SUGP2: variants seen among roughly 807,000 people sequenced by gnomAD.
SUGP2 encodes SURP and G-patch domain-containing protein 2.
SUGP2 carries 24 observed loss-of-function variants against 90.5 expected under a neutral mutation model. That is an observed-to-expected ratio of 0.27 (90% CI 0.19 to 0.37). The LOEUF (loss-of-function observed/expected upper bound fraction) is 0.37, where lower values mean the gene tolerates loss of function less well. Ranked by LOEUF, SUGP2 falls within the 10% of genes least tolerant of loss-of-function variation. The pLI is 1.00. For missense variants in SUGP2, 1,233 were observed against 1,363.3 expected (o/e 0.90, Z 1.51); for synonymous variants, 473 against 513.4 (o/e 0.92, Z 1.06).
intron 9 of SUGP2, chr19:18,994,773 C>T (rs956220945): frequency 1.9e-5 from 10 of 530,164 alleles, no homozygotes; most frequent in Admixed American, 1.4e-4. Flanking sequence ...AGGTTATGAT[C>T]GGGGTTTAAT....
Position 19,008,345 on chromosome 19 carries a change from C to G in SUGP2, c.2422G>C (p.Glu808Gln), listed in dbSNP as rs372226423. 58 of 1,614,050 alleles carry G rather than the reference C, an allele frequency of 3.6e-5. No homozygotes were observed. The highest frequency in any genetic ancestry group is 4.7e-5 in the Non-Finnish European group (56 of 1,180,032). ...VGPEIEQFSI[E>Q]NSTDNPDLWF... The stretch of plus-strand genomic sequence containing the variant: ...AGGTCAGGGTTATCGGTGCTGTTTT[C>G]TATGCTGAATTGTTCGATCTCTGGT... The change falls in exon 6 of 11, where the codon GAA becomes CAA. Residue 808 changes from glutamate (E) to glutamine (Q), a missense_variant. Coordinates refer to ENST00000452918, the MANE Select transcript of SUGP2 (RefSeq NM_001017392.5).
intron 4 of SUGP2, 118 bp from the exon 5 acceptor site, chr19:19,010,460 A>C: frequency 1.4e-6 from 2 of 1,393,472 alleles, no homozygotes; most frequent in Non-Finnish European, 2.0e-6. Context: ...CTCCTGTCTC[A>C]GAGGCTCTGC....
chr19:19,027,283 C>T (rs190047178), intron 2 of SUGP2, among the ~76,000 whole-genome samples: 2 of 151,934 alleles, frequency 1.3e-5, no homozygotes, highest in African/African-American at 2.4e-5. Context: ...CAATCAGAAT[C>T]GATGACCTAG....
intron 7 of SUGP2, among the ~76,000 whole-genome samples, chr19:19,002,514 T>TGTTTTTG (rs1568389340): frequency 7.2e-6 from 1 of 139,392 alleles, no homozygotes; most frequent in African/African-American, 2.6e-5. Flanking sequence ...TGTTTTTTTT[T>TGTTTTTG]TTTTTTTTTT....
Position 19,010,224 on chromosome 19 carries a change from C to A in SUGP2, c.1969G>T (p.Ala657Ser). Reference protein sequence around the residue: ...ADQKPTSADCAVRAMLYSRAV... With the variant: ...ADQKPTSADCSVRAMLYSRAV... ...CGGGAGTACAGCATGGCCCTCACTG[C>A]ACAGTCTGCTGAGGTCGGCTTCTGG... Residue 657 changes from alanine (A) to serine (S), a missense_variant, in exon 5 of 11, where the codon GCA becomes TCA. Ala to Ser is a moderately conservative substitution (Grantham distance 99). Coordinates refer to ENST00000452918, the MANE Select transcript of SUGP2 (RefSeq NM_001017392.5). 6.2e-7 allele frequency: 1 copy of A among 1,614,086 alleles called. No homozygotes were observed. Among genetic ancestry groups the A allele is most frequent in the Non-Finnish European group, 8.5e-7 (1 of 1,180,034 alleles).
Position 19,025,644 on chromosome 19 carries a change from A to G in SUGP2, c.704T>C (p.Leu235Pro). 6.2e-7 allele frequency: 1 copy of G among 1,614,002 alleles called. No homozygotes were observed. The highest frequency in any genetic ancestry group is 8.5e-7 in the Non-Finnish European group (1 of 1,180,018). The change falls in exon 3 of 11, where the codon CTC (leucine) becomes CCC (proline). Residue 235 changes from leucine to proline, a missense_variant. Around this residue, in one of 8 missense-constraint regions of SUGP2, gnomAD observed 418 missense variants for 399.9 expected, o/e 1.05. Coordinates refer to ENST00000452918, the MANE Select transcript of SUGP2 (RefSeq NM_001017392.5). ...LLGKGETQGL[L>P]TAKGGVGKLV... ...TTTCCCAACACCCCCCTTAGCTGTG[A>G]GCAGGCCCTGAGTCTCCCCCTTTCC...
chr19:19,023,507 C>CT (rs909960272), intron 3 of SUGP2, among the ~76,000 whole-genome samples: 5 of 152,098 alleles, frequency 3.3e-5, no homozygotes, highest in African/African-American at 1.2e-4. Context: ...AGTGACTGGT[C>CT]TTTGTGATTT....
intron 1 of SUGP2, among the ~76,000 whole-genome samples, chr19:19,032,560 C>G (rs900128956): frequency 3.9e-5 from 6 of 152,056 alleles, no homozygotes; most frequent in African/African-American, 1.4e-4. Context: ...GTGGCGGGAC[C>G]CCCAACCAAT....
rs950443839 is a variant in SUGP2, at chr19:19,004,359, C to T, written c.2738G>A (p.Gly913Asp). ...GEEAPAPGGA[G>D]KSEGSTPADG... ...GGCAGGGGTGCTGCCCTCAGACTTG[C>T]CCGCCCCTCCAGGAGCGGGGGCCTC... The change falls in exon 7 of 11, where the codon GGC (glycine) becomes GAC (aspartate). Residue 913 changes from glycine to aspartate, a missense_variant. Gly to Asp is a moderately conservative substitution (Grantham distance 94). Coordinates refer to ENST00000452918, the MANE Select transcript of SUGP2 (RefSeq NM_001017392.5). 2.5e-6 allele frequency: 4 copies of T among 1,613,306 alleles called. No individual in the cohort carries two copies. Among genetic ancestry groups the T allele is most frequent in the African/African-American group, 2.7e-5 (2 of 74,930 alleles).
At chr19:19,010,449 T>A in intron 4 of SUGP2, 107 bp from the exon 5 acceptor site, 1 of 1,437,280 alleles carries the variant, frequency 7.0e-7, no homozygotes. Flanking sequence ...CTCACTGTCC[T>A]CTCCTGTCTC....
intron 1 of SUGP2, 44 bp downstream of exon 1, chr19:19,033,393 A>G: frequency 8.0e-7 from 1 of 1,243,872 alleles, no homozygotes; most frequent in Non-Finnish European, 1.0e-6. Context: ...CGAGCTTCCC[A>G]CCCCGGGAGC....
At chr19:19,012,415 T>C (rs1174295623) in intron 4 of SUGP2, among the ~76,000 whole-genome samples, 1 of 152,208 alleles carries the variant, frequency 6.6e-6, no homozygotes, top group Non-Finnish European at 1.5e-5. Context: ...TGGATGGTTC[T>C]GATGCCAAGT....
rs1334753081 is a variant in SUGP2 at position 18,993,066 on chromosome 19, A to G, written c.*675T>C. 1 of 152,214 alleles carries G rather than the reference A, an allele frequency of 6.6e-6. No homozygotes were observed. Among genetic ancestry groups the G allele is most frequent in the African/African-American group, 2.4e-5 (1 of 41,452 alleles). 9.4% of individuals were successfully genotyped at this position (152,214 alleles called of 1,614,324 possible). The stretch of plus-strand genomic sequence containing the variant: ...AGTTTGCTTACACTGTGGATTCTAA[A>G]GAGACATGTAAATCTGGGGCCGATT... On this transcript the variant is annotated 3_prime_UTR_variant, in exon 11 of 11. Transcript: ENST00000452918.
At chr19:19,021,588 G>A (rs2058730717) in intron 3 of SUGP2, among the ~76,000 whole-genome samples, 1 of 152,030 alleles carries the variant, frequency 6.6e-6, no homozygotes. Context: ...CTACTCCTGA[G>A]AATGTACCCT....
chr19:19,004,590 TCAAA>T lies in SUGP2; in HGVS notation c.2503_2506del (p.Phe835AsnfsTer55). On this transcript the variant is annotated frameshift_variant, in exon 7 of 11. Coordinates refer to ENST00000452918, the MANE Select transcript of SUGP2 (RefSeq NM_001017392.5). LOFTEE classifies it high-confidence loss of function. ...CGTGAAACAAATTGATGGACATAGT[TCAAA>T]CACTTTCTTTCGATAGAATTTGAAA... is the stretch of plus-strand genomic sequence containing the variant. 6.2e-7 allele frequency: 1 copy of T among 1,613,800 alleles called. No individual in the cohort carries two copies. The highest frequency in any genetic ancestry group is 8.5e-7 in the Non-Finnish European group (1 of 1,179,768).
At chr19:19,005,346 T>TC (rs1387988668) in intron 6 of SUGP2, among the ~76,000 whole-genome samples, 3 of 151,844 alleles carry the variant, frequency 2.0e-5, no homozygotes, top group Non-Finnish European at 2.9e-5. Context: ...ATGTGCCAAG[T>TC]CCCCCCAGTT....
intron 9 of SUGP2, 164 bp from the exon 10 acceptor site, chr19:18,994,650 A>G: frequency 3.0e-6 from 3 of 995,254 alleles, no homozygotes; most frequent in Non-Finnish European, 4.3e-6. Context: ...AGAAACAAGG[A>G]GTACTCACCC....
chr19:19,016,681 T>C (rs2058514403), intron 4 of SUGP2, among the ~76,000 whole-genome samples: 1 of 152,194 alleles, frequency 6.6e-6, no homozygotes, highest in Non-Finnish European at 1.5e-5. Context: ...AAGAGGGCTC[T>C]TGGAGCCTCA....
intron 7 of SUGP2, among the ~76,000 whole-genome samples, chr19:19,003,244 G>A (rs1012531896): frequency 1.3e-5 from 2 of 152,244 alleles, no homozygotes; most frequent in Non-Finnish European, 2.9e-5. Context: ...ACATGTAAAT[G>A]TGACTGTCTG....
Sources: allele counts gnomAD v4.1 joint callset (sites outside exome capture counted in the v4.1 genomes callset), GRCh38; gene constraint gnomAD v4.1.1; regional missense constraint gnomAD v4.1.1; transcripts MANE v1.5; gene names NCBI Gene and HGNC (gene_info 2026-07-23, HGNC 2026-07-21).